TBC1D1: variants seen among roughly 807,000 people sequenced by gnomAD.
TBC1D1 encodes the protein TBC1 (tre-2/USP6, BUB2, cdc16) domain family, member 1.
Under a neutral mutation model 125.6 loss-of-function variants are expected in TBC1D1, and 89 were observed. The ratio of observed to expected loss-of-function variants is 0.71; its 90% CI spans 0.60 to 0.85. The LOEUF is 0.85. TBC1D1 is among the 40% of genes least tolerant of loss of function. TBC1D1 has a pLI of 0.00. For missense variants in TBC1D1, 1,377 were observed against 1,469.2 expected (o/e 0.94, Z 1.03); for synonymous variants, 565 against 564.1 (o/e 1.00, Z -0.02).
chr4:37,938,123 A>T lies in TBC1D1; in HGVS notation c.417+35611A>T, dbSNP rs142935700. Among the ~76,000 whole-genome samples, 198 of 152,288 alleles carry T rather than the reference A, an allele frequency of 1.3e-3. 4 individuals are homozygous for T. In the East Asian group the frequency reaches 0.035, roughly 27 times the overall value. On this transcript the variant is annotated intron_variant, in intron 2 of 19. Transcript: ENST00000261439. ...TTACTGGGTGCAGTGGTACACACCT[A>T]TAGTCCCAGTTACTTGAGAGGTTTA...
At chr4:38,053,479 G>T (rs1751110466) in intron 11 of TBC1D1, among the ~76,000 whole-genome samples, 1 of 152,226 alleles carries the variant, frequency 6.6e-6, no homozygotes, top group South Asian at 2.1e-4. Context: ...TCTGAGACCA[G>T]TGTTTCTGGT....
At chr4:37,970,344 T>A (rs1731789848) in intron 2 of TBC1D1, among the ~76,000 whole-genome samples, 1 of 152,252 alleles carries the variant, frequency 6.6e-6, no homozygotes, top group South Asian at 2.1e-4. Context: ...TAAGAGATGA[T>A]TGCATATCAT....
At chr4:37,964,070 T>C (rs1730593326) in intron 2 of TBC1D1, among the ~76,000 whole-genome samples, 1 of 152,248 alleles carries the variant, frequency 6.6e-6, no homozygotes, top group Non-Finnish European at 1.5e-5. Flanking sequence ...AAGACGTTCC[T>C]GCAGGGGCAG....
chr4:37,957,272 C>A (rs1258646504), intron 2 of TBC1D1, among the ~76,000 whole-genome samples: 1 of 152,202 alleles, frequency 6.6e-6, no homozygotes, highest in Non-Finnish European at 1.5e-5. Flanking sequence ...TCTTCACAAT[C>A]ATTAAAGTAA....
chr4:38,072,875 T>C (rs1437649001), intron 12 of TBC1D1, among the ~76,000 whole-genome samples: 1 of 152,230 alleles, frequency 6.6e-6, no homozygotes, highest in Non-Finnish European at 1.5e-5. Context: ...GTATTTGTCT[T>C]CTTATTTCTG....
intron 2 of TBC1D1, among the ~76,000 whole-genome samples, chr4:38,009,286 G>GA (rs755034405): frequency 6.6e-6 from 1 of 151,984 alleles, no homozygotes; most frequent in Non-Finnish European, 1.5e-5. Context: ...TCATCTAAGG[G>GA]AAAAAACACA....
At chr4:37,970,221 C>T (rs184637449) in intron 2 of TBC1D1, among the ~76,000 whole-genome samples, 1 of 152,334 alleles carries the variant, frequency 6.6e-6, no homozygotes, top group East Asian at 1.9e-4. Flanking sequence ...CACATTTTTA[C>T]ATGGGCATAT....
intron 14 of TBC1D1, among the ~76,000 whole-genome samples, chr4:38,098,004 G>T (rs1431380379): frequency 4.6e-5 from 7 of 152,332 alleles, no homozygotes; most frequent in Admixed American, 3.9e-4. Flanking sequence ...CCACCGTACT[G>T]CACTGCCTCC....
At chr4:38,100,665 T>C (rs1309144020) in intron 14 of TBC1D1, among the ~76,000 whole-genome samples, 2 of 152,060 alleles carry the variant, frequency 1.3e-5, no homozygotes, top group Admixed American at 1.3e-4. Context: ...AGGTATAGGA[T>C]GTGGTCATGG....
intron 15 of TBC1D1, among the ~76,000 whole-genome samples, chr4:38,114,656 AGAG>A (rs1208253498): frequency 6.6e-6 from 1 of 152,224 alleles, no homozygotes; most frequent in Non-Finnish European, 1.5e-5. Context: ...GTCACATTCC[AGAG>A]GAGGAGGAAG....
At chr4:38,095,905 G>A (rs371241309) in intron 13 of TBC1D1, 24 bp from the exon 16 acceptor site, 1 of 1,590,704 alleles carries the variant, frequency 6.3e-7, no homozygotes, top group Non-Finnish European at 8.5e-7. Context: ...CTTTACTAAT[G>A]CGCTCTGGAA....
chr4:37,913,317 G>A (rs777150794), intron 2 of TBC1D1, among the ~76,000 whole-genome samples: 8 of 151,960 alleles, frequency 5.3e-5, no homozygotes, highest in Non-Finnish European at 1.0e-4. Context: ...ATATATTCAG[G>A]GCTGGGCACG....
At chr4:38,037,770 A>T (rs1747499956) in intron 8 of TBC1D1, among the ~76,000 whole-genome samples, 2 of 152,206 alleles carry the variant, frequency 1.3e-5, no homozygotes, top group Admixed American at 1.3e-4. Context: ...GTCGGCAGGG[A>T]GGCCATATGC....
chr4:37,986,818 G>A (rs1257463654), intron 2 of TBC1D1, among the ~76,000 whole-genome samples: 1 of 148,324 alleles, frequency 6.7e-6, no homozygotes, highest in Non-Finnish European at 1.5e-5. Context: ...AGGAGAGGAA[G>A]CCTGAGTAGT....
chr4:38,020,748 A>T, intron 5 of TBC1D1, 53 bp downstream of exon 5: 7 of 1,501,394 alleles, frequency 4.7e-6, no homozygotes, highest in Non-Finnish European at 5.6e-6. Context: ...AAGGAATTTT[A>T]GCTCCACTGA....
intron 12 of TBC1D1, among the ~76,000 whole-genome samples, chr4:38,084,886 CAT>C (rs1328026559): frequency 6.6e-6 from 1 of 152,158 alleles, no homozygotes; most frequent in Non-Finnish European, 1.5e-5. Flanking sequence ...GGGCACTTAA[CAT>C]GTGATTTAAT....
intron 2 of TBC1D1, among the ~76,000 whole-genome samples, chr4:37,978,838 T>C (rs766528087): frequency 7.5e-6 from 1 of 133,780 alleles, no homozygotes; most frequent in Non-Finnish European, 1.7e-5. Context: ...AGAGGAAATG[T>C]AGGCTGGTAG....
At chr4:37,896,980 C>G (rs57500295) in intron 1 of TBC1D1, among the ~76,000 whole-genome samples, 112 of 152,134 alleles carry the variant, frequency 7.4e-4, no homozygotes, top group African/African-American at 2.6e-3. Flanking sequence ...GCAGAATACA[C>G]AGGTTTGCTG....
chr4:38,129,434 C>T (rs1324948933), intron 18 of TBC1D1, among the ~76,000 whole-genome samples: 1 of 152,194 alleles, frequency 6.6e-6, no homozygotes, highest in Non-Finnish European at 1.5e-5. Context: ...AAATTGCTCA[C>T]ATGCAGTGGT....
Sources: allele counts gnomAD v4.1 joint callset (sites outside exome capture counted in the v4.1 genomes callset), GRCh38; gene constraint gnomAD v4.1.1; transcripts MANE v1.5; gene names NCBI Gene and HGNC (gene_info 2026-07-23, HGNC 2026-07-21).